Variants in DMRT1 observed in about 807,000 individuals in gnomAD.
The protein encoded by DMRT1 is doublesex and mab-3 related transcription factor 1.
Under a neutral mutation model 32.3 loss-of-function variants are expected in DMRT1, and 7 were observed. The observed-to-expected ratio is 0.22, with a 90% confidence interval of 0.12 to 0.41. The LOEUF (loss-of-function observed/expected upper bound fraction) is 0.41, where lower values mean the gene tolerates loss of function less well. DMRT1 is among the 10% of genes least tolerant of loss of function. The probability of loss-of-function intolerance (pLI) is 1.00; values close to 1 mark genes in which losing one functional copy is unlikely to be tolerated. For synonymous variants in DMRT1, 278 were observed against 206.1 expected (o/e 1.35, Z -2.99); for missense variants, 625 against 500.5 (o/e 1.25, Z -2.37).
intron 4 of DMRT1, among the ~76,000 whole-genome samples, chr9:958,043 A>G (rs963470147): frequency 6.6e-6 from 1 of 152,132 alleles, no homozygotes; most frequent in Non-Finnish European, 1.5e-5. Context: ...AATACTAATA[A>G]TTTATGAATC....
At chr9:966,900 A>G (rs1292463027) in intron 4 of DMRT1, among the ~76,000 whole-genome samples, 1 of 152,264 alleles carries the variant, frequency 6.6e-6, no homozygotes, top group Non-Finnish European at 1.5e-5. Context: ...TTTGCTAATT[A>G]CATCATAGAT....
intron 2 of DMRT1, among the ~76,000 whole-genome samples, chr9:878,542 T>G (rs1589490585): frequency 6.6e-6 from 1 of 152,236 alleles, no homozygotes; most frequent in East Asian, 1.9e-4. Context: ...CCAAACGCAC[T>G]CAAGGCTACT....
intron 4 of DMRT1, among the ~76,000 whole-genome samples, chr9:919,640 G>A (rs1818292996): frequency 6.6e-6 from 1 of 152,144 alleles, no homozygotes; most frequent in African/African-American, 2.4e-5. Flanking sequence ...GCCATAGCAG[G>A]GTTCAAGCAC....
At chr9:859,759 T>A (rs1815571491) in intron 2 of DMRT1, among the ~76,000 whole-genome samples, 2 of 152,086 alleles carry the variant, frequency 1.3e-5, no homozygotes. Flanking sequence ...CAGAAAAAAA[T>A]GTGTAAGAAA....
At chr9:906,738 T>TGC (rs1164475842) in intron 3 of DMRT1, among the ~76,000 whole-genome samples, 1 of 152,172 alleles carries the variant, frequency 6.6e-6, no homozygotes, top group African/African-American at 2.4e-5. Context: ...GTAGAGACAA[T>TGC]GCGAAGAGTT....
At chr9:908,582 AGTTG>A (rs1335136565) in intron 3 of DMRT1, among the ~76,000 whole-genome samples, 4 of 151,428 alleles carry the variant, frequency 2.6e-5, no homozygotes, top group Non-Finnish European at 5.9e-5. Flanking sequence ...TTTCCATGTG[AGTTG>A]TTTGTTTTTT....
In DMRT1 at chr9:841,927, G is replaced by T. The variant is rs1316461394; in HGVS notation, c.89G>T (p.Gly30Val). The change falls in exon 1 of 5, where the codon GGC becomes GTC. Residue 30 changes from glycine to valine, a missense_variant. Coordinates refer to ENST00000382276, the MANE Select transcript of DMRT1 (RefSeq NM_021951.3). The stretch of plus-strand genomic sequence containing the variant: ...GTACCGCCGCAGGGCAGAGCCGGGG[G>T]CTTTGGCAAAGCGTCTGGGGCGCTA... ...PGVPPQGRAG[G>V]FGKASGALVG... 40 of 1,606,578 alleles carry T rather than the reference G, an allele frequency of 2.5e-5. No individual in the cohort carries two copies. Among genetic ancestry groups the T allele is most frequent in the Non-Finnish European group, 3.4e-5 (40 of 1,176,690 alleles).
At chr9:907,829 ATGTGTG>A (rs3084903) in intron 3 of DMRT1, among the ~76,000 whole-genome samples, 97,949 of 149,422 alleles carry the variant, frequency 0.66, 33,561 homozygotes, top group Middle Eastern at 0.78. Context: ...TAAAATATAT[ATGTGTG>A]TGTGTGTGTG....
intron 4 of DMRT1, 78 bp downstream of exon 4, chr9:916,985 A>C: frequency 6.7e-7 from 1 of 1,502,914 alleles, no homozygotes; most frequent in Non-Finnish European, 9.3e-7. Flanking sequence ...AGCTGTGTCT[A>C]ATGGCTTAGC....
intron 4 of DMRT1, among the ~76,000 whole-genome samples, chr9:952,178 A>G (rs1024263829): frequency 6.6e-6 from 1 of 152,196 alleles, no homozygotes; most frequent in African/African-American, 2.4e-5. Flanking sequence ...ATTCACAGCC[A>G]TATCCCCTGT....
intron 4 of DMRT1, among the ~76,000 whole-genome samples, chr9:948,919 A>AATT (rs1819338449): frequency 6.9e-6 from 1 of 145,880 alleles, no homozygotes; most frequent in Non-Finnish European, 1.5e-5. Flanking sequence ...TAATAATAAT[A>AATT]ATAATAATAA....
chr9:871,517 T>TGTA (rs1816255819), intron 2 of DMRT1, among the ~76,000 whole-genome samples: 1 of 147,362 alleles, frequency 6.8e-6, no homozygotes, highest in African/African-American at 2.6e-5. Context: ...TTTTTTTTTT[T>TGTA]TTTTTGGTAG....
intron 2 of DMRT1, among the ~76,000 whole-genome samples, chr9:855,445 C>G (rs1283380350): frequency 6.6e-6 from 1 of 152,134 alleles, no homozygotes; most frequent in Non-Finnish European, 1.5e-5. Flanking sequence ...AGTACAGTAC[C>G]TGGCTTTATA....
At chr9:906,678 A>G (rs1327324081) in intron 3 of DMRT1, among the ~76,000 whole-genome samples, 1 of 152,210 alleles carries the variant, frequency 6.6e-6, no homozygotes, top group Non-Finnish European at 1.5e-5. Flanking sequence ...GGTTGTGGGC[A>G]TCATTTCTCA....
chr9:899,995 A>G (rs1262043761), intron 3 of DMRT1, among the ~76,000 whole-genome samples: 2 of 152,202 alleles, frequency 1.3e-5, no homozygotes, highest in African/African-American at 4.8e-5. Context: ...ATGGTTGTCC[A>G]TTGACGATAA....
chr9:902,565 T>G (rs1046524444), intron 3 of DMRT1, among the ~76,000 whole-genome samples: 2 of 151,278 alleles, frequency 1.3e-5, no homozygotes, highest in Admixed American at 1.3e-4. Flanking sequence ...CTCGGCTCAC[T>G]GCAACCTCTG....
Position 847,163 on chromosome 9 carries a change from G to T in DMRT1, c.538+20G>T. 2 of 1,610,540 alleles carry T rather than the reference G, an allele frequency of 1.2e-6. No individual in the cohort carries two copies. Among genetic ancestry groups the T allele is most frequent in the Non-Finnish European group, 1.7e-6 (2 of 1,178,708 alleles). ...CTTCAGGTAATCTGGAGGGGCTGGG[G>T]TTCACATGGAGGCTGGGCATGAGGG... On this transcript the variant is annotated intron_variant, in intron 2 of 4. Transcript: ENST00000382276.
chr9:849,254 C>A (rs959140956), intron 2 of DMRT1, among the ~76,000 whole-genome samples: 1 of 152,122 alleles, frequency 6.6e-6, no homozygotes, highest in African/African-American at 2.4e-5. Context: ...GGACCAGTTG[C>A]CATGTTTCCT....
At chr9:865,879 G>A (rs1261770206) in intron 2 of DMRT1, among the ~76,000 whole-genome samples, 1 of 152,102 alleles carries the variant, frequency 6.6e-6, no homozygotes, top group Non-Finnish European at 1.5e-5. Context: ...AAAAGAGAGT[G>A]AGGGCAGCGC....
Sources: gnomAD v4.1 joint callset for allele counts (sites outside exome capture counted in the v4.1 genomes callset) on GRCh38, gnomAD v4.1.1 for gene constraint, MANE v1.5 for transcripts, NCBI Gene and HGNC (gene_info 2026-07-23, HGNC 2026-07-21) for gene names.